PIGN: variants seen among roughly 807,000 people sequenced by gnomAD.
The protein encoded by PIGN is phosphatidylinositol glycan anchor biosynthesis class N.
In PIGN, 117 loss-of-function variants were observed where a neutral mutation model predicts 125.4. The observed-to-expected ratio is 0.93, with a 90% CI of 0.80 to 1.09. PIGN has a LOEUF of 1.09. Ranked by LOEUF, PIGN falls within the 50% of genes least tolerant of loss-of-function variation. The pLI is 0.00. For synonymous variants in PIGN, 392 were observed against 377.8 expected, an observed-to-expected ratio of 1.04 and a Z score of -0.44; for missense variants, 1,075 against 1,094.9, an observed-to-expected ratio of 0.98 and a Z score of 0.26.
chr18:62,056,535 A>G (rs1375210892), intron 30 of PIGN, among the ~76,000 whole-genome samples: 1 of 151,124 alleles, frequency 6.6e-6, no homozygotes, highest in Admixed American at 6.6e-5. Context: ...CCGAGAAAAT[A>G]CTGATAAAGT....
chr18:62,048,472 A>G, intron 30 of PIGN, among the ~76,000 whole-genome samples: 1 of 152,156 alleles, frequency 6.6e-6, no homozygotes, highest in Non-Finnish European at 1.5e-5. Context: ...GGGAAAAACA[A>G]TTTGAATAAC....
chr18:62,068,881 C>T (rs151114301), intron 30 of PIGN, among the ~76,000 whole-genome samples: 2,887 of 152,306 alleles, frequency 0.019, 67 homozygotes, highest in African/African-American at 0.046. Context: ...CAGACAGCTC[C>T]TGTTCTGAAA....
At position 62,082,667 on chromosome 18, in the gene PIGN, T is replaced by C. The variant is rs1271895350; in HGVS notation, c.2576+6A>G. 2.0e-6 allele frequency: 3 copies of C among 1,484,616 alleles called. No individual in the cohort carries two copies. The Admixed American group carries it at 5.9e-5, about 29-fold the overall frequency. 92.0% of individuals were successfully genotyped at this position (1,484,616 alleles called of 1,614,324 possible). A position where few individuals can be genotyped will look rare whatever the true frequency, so the allele number is the denominator to read the frequency against. ...ATCAAATGTTTCTTAAACTAATTCA[T>C]CTTACCTTTTTGACGATAACTGAGT... is the stretch of plus-strand genomic sequence containing the variant. On this transcript the variant is annotated splice_donor_region_variant and intron_variant, in intron 28 of 30. Coordinates refer to ENST00000640252, the MANE Select transcript of PIGN (RefSeq NM_176787.5).
chr18:62,119,661 T>C (rs1024114095), intron 14 of PIGN, among the ~76,000 whole-genome samples: 2 of 152,010 alleles, frequency 1.3e-5, no homozygotes, highest in Non-Finnish European at 2.9e-5. Context: ...CTGGCCAACA[T>C]GGTGAAACCC....
intron 10 of PIGN, among the ~76,000 whole-genome samples, chr18:62,145,282 T>A (rs186871000): frequency 6.6e-6 from 1 of 152,318 alleles, no homozygotes; most frequent in Admixed American, 6.5e-5. Flanking sequence ...TCTGGCCTTT[T>A]GTCAATGTCT....
intron 1 of PIGN, among the ~76,000 whole-genome samples, chr18:62,175,914 A>G (rs1428422239): frequency 6.6e-6 from 1 of 152,112 alleles, no homozygotes; most frequent in African/African-American, 2.4e-5. Context: ...AAAGTCCTTG[A>G]AAGCTTCTAA....
At chr18:62,132,477 A>C (rs1466573936) in intron 14 of PIGN, among the ~76,000 whole-genome samples, 2 of 152,224 alleles carry the variant, frequency 1.3e-5, no homozygotes, top group East Asian at 1.9e-4. Flanking sequence ...TGATTAAAAA[A>C]TAATTTTCAA....
intron 23 of PIGN, among the ~76,000 whole-genome samples, chr18:62,021,861 T>C (rs2030058202): frequency 6.6e-6 from 1 of 152,238 alleles, no homozygotes; most frequent in Non-Finnish European, 1.5e-5. Flanking sequence ...AGCTACATTC[T>C]TATCTGGAGC....
chr18:62,053,847 G>C (rs1599404776), intron 30 of PIGN, among the ~76,000 whole-genome samples: 1 of 152,074 alleles, frequency 6.6e-6, no homozygotes, highest in Non-Finnish European at 1.5e-5. Context: ...CATATTCTGG[G>C]CCATAAAACA....
intron 20 of PIGN, chr18:62,103,503 G>A (rs2034524994): frequency 6.6e-6 from 1 of 152,100 alleles, no homozygotes; most frequent in Admixed American, 6.6e-5. Context: ...TAACAGTAAG[G>A]AAACACACCA....
At chr18:62,138,027 C>A in intron 14 of PIGN, 1 of 576,956 alleles carries the variant, frequency 1.7e-6, no homozygotes, top group Admixed American at 4.0e-5. Context: ...ATGTATCTCT[C>A]CATTCCCTCA....
In PIGN at chr18:62,137,139, G is replaced by A. The variant is rs990809532; in HGVS notation, c.1172+1104C>T. On this transcript the variant is annotated intron_variant, in intron 14 of 30. Coordinates refer to ENST00000640252, the MANE Select transcript of PIGN (RefSeq NM_176787.5). ...TAGAATAAAGCAGGCAGAAGAATGT[G>A]GAATGAGCAGACTTGCTGAGTTTTC... 36 of 398,500 alleles carry A rather than the reference G, an allele frequency of 9.0e-5. No individual in the cohort carries two copies. The East Asian group carries it at 1.3e-3, about 14-fold the overall frequency. The allele number at this position is 398,500 out of a possible 1,614,324, so 24.7% of individuals were successfully genotyped here.
At position 62,095,893 on chromosome 18, in the gene PIGN, C is replaced by T. The variant is rs2034160829; in HGVS notation, c.2135G>A (p.Ser712Asn). 2 of 1,613,096 alleles carry T rather than the reference C, an allele frequency of 1.2e-6. No individual in the cohort carries two copies. Among genetic ancestry groups the T allele is most frequent in the African/African-American group, 1.3e-5 (1 of 74,858 alleles). Reference protein sequence around the residue: ...SSPVLFQRLFSILLSLMSTYL... With the variant: ...SSPVLFQRLFNILLSLMSTYL... ...GGTTGACATCAATGAAAGAAGTATG[C>T]TGAACAATCGCTGAAAGAGAACTGG... Residue 712 changes from serine to asparagine, a missense_variant, in exon 23 of 31, where the codon AGC (serine) becomes AAC (asparagine). By Grantham distance (46) the Ser-to-Asn change is conservative. This residue lies in a region of PIGN where 915 missense variants were observed against 908.7 expected (regional missense o/e 1.01). Transcript: ENST00000640252.
chr18:62,035,511 CTAACT>C (rs1292186219), intron 23 of PIGN, among the ~76,000 whole-genome samples: 3 of 152,078 alleles, frequency 2.0e-5, no homozygotes, highest in Admixed American at 6.6e-5. Context: ...TTTAAGAAAC[CTAACT>C]TATTACTTTT....
intron 14 of PIGN, among the ~76,000 whole-genome samples, chr18:62,133,963 GTTC>G (rs1472989098): frequency 3.9e-5 from 6 of 152,198 alleles, no homozygotes; most frequent in Admixed American, 3.3e-4. Context: ...TAAAAAACAT[GTTC>G]TTCTTACTTT....
chr18:62,128,202 T>C (rs2035607805), intron 14 of PIGN, among the ~76,000 whole-genome samples: 1 of 152,170 alleles, frequency 6.6e-6, no homozygotes, highest in Non-Finnish European at 1.5e-5. Flanking sequence ...AAAAAATATA[T>C]AAAATTCCTG....
At chr18:62,100,629 C>T (rs2034399674) in intron 22 of PIGN, among the ~76,000 whole-genome samples, 2 of 152,160 alleles carry the variant, frequency 1.3e-5, no homozygotes, top group South Asian at 2.1e-4. Flanking sequence ...GAAAAATATG[C>T]TTTCAAATGT....
intron 20 of PIGN, among the ~76,000 whole-genome samples, chr18:62,104,188 G>A (rs180702160): frequency 4.0e-5 from 6 of 151,826 alleles, no homozygotes; most frequent in Admixed American, 2.0e-4. Context: ...AAATTTAGAG[G>A]GAAACAATAT....
At chr18:62,074,575 AG>A (rs1332326317) in intron 29 of PIGN, among the ~76,000 whole-genome samples, 7 of 152,246 alleles carry the variant, frequency 4.6e-5, no homozygotes, top group Non-Finnish European at 1.0e-4. Flanking sequence ...GACAAATTCA[AG>A]TAGTAAGACT....
Sources: gnomAD v4.1 joint callset for allele counts (sites outside exome capture counted in the v4.1 genomes callset) on GRCh38, gnomAD v4.1.1 for gene constraint, gnomAD v4.1.1 regional missense constraint, MANE v1.5 for transcripts, NCBI Gene and HGNC (gene_info 2026-07-23, HGNC 2026-07-21) for gene names.